FRMPD4: variants seen among roughly 807,000 people sequenced by gnomAD.
FRMPD4 encodes FERM and PDZ domain containing 4.
In FRMPD4, 22 loss-of-function variants were observed where a neutral mutation model predicts 94.1. The ratio of observed to expected loss-of-function variants is 0.23; its 90% CI spans 0.17 to 0.33. FRMPD4 has a LOEUF of 0.33. FRMPD4 is among the 10% of genes least tolerant of loss of function. FRMPD4 has a pLI of 1.00. For synonymous variants in FRMPD4, 631 were observed against 548.6 expected, an observed-to-expected ratio of 1.15 and a Z score of -2.10; for missense variants, 1,111 against 1,339.9, an observed-to-expected ratio of 0.83 and a Z score of 2.67.
chrX:12,674,325 G>T (rs1395453174), intron 4 of FRMPD4, among the ~76,000 whole-genome samples: 1 of 111,719 alleles, frequency 9.0e-6, no homozygotes, highest in Non-Finnish European at 1.9e-5. Context: ...ACCGATGTTT[G>T]CTGGGATGCT....
rs756789924 is a variant in FRMPD4 at position 12,551,107 on chromosome X, TATA to T, written c.158+52314_158+52316del. Among the ~76,000 whole-genome samples the T allele has an allele frequency of 5.1e-4, 57 of 111,164 alleles. 2 individuals are homozygous for T. In the South Asian group the frequency reaches 0.021, roughly 40 times the overall value. The stretch of plus-strand genomic sequence containing the variant: ...TTTATCATGTAAACATATTTACATA[TATA>T]ATGTTTCTTTTTTCATTCAATACTA... On this transcript the variant is annotated intron_variant, in intron 2 of 16. Transcript: ENST00000675598.
chrX:12,575,930 G>T (rs1253626892), intron 2 of FRMPD4, among the ~76,000 whole-genome samples: 1 of 112,204 alleles, frequency 8.9e-6, no homozygotes, highest in Admixed American at 9.4e-5. Context: ...AGCCTAGAAA[G>T]ACCCATTTCA....
chrX:11,948,005 G>C (rs1443058710), intron 3 of FRMPD4, among the ~76,000 whole-genome samples: 1 of 105,238 alleles, frequency 9.5e-6, no homozygotes, highest in Non-Finnish European at 1.9e-5. Flanking sequence ...CAGGAGAATT[G>C]CTTGAACCTG....
At position 12,332,201 on chromosome X, in the gene FRMPD4, TATATATAG is replaced by T. The variant is rs1230807874; in HGVS notation, c.42-166477_42-166470del. ...ATATAATTTATATTTTATATATATA[TATATATAG>T]AGAGAGAGAGAGAGAGAGAGAGAGA... On this transcript the variant is annotated intron_variant, in intron 1 of 16. Transcript: ENST00000675598. 1.5e-4 allele frequency among the ~76,000 whole-genome samples: 10 copies of T among 67,861 alleles called. 1 individual carries two copies. In the South Asian group the frequency reaches 2.4e-3, roughly 16 times the overall value. The allele number at this position is 67,861 out of a possible 115,157, so 58.9% of individuals were successfully genotyped here.
chrX:12,101,218 T>C (rs1435282290), intron 3 of FRMPD4, among the ~76,000 whole-genome samples: 3 of 111,339 alleles, frequency 2.7e-5, no homozygotes, highest in African/African-American at 9.8e-5. Flanking sequence ...TATCCATTGA[T>C]GGTCATCTAG....
At chrX:12,649,396 G>A (rs1490662855) in intron 4 of FRMPD4, among the ~76,000 whole-genome samples, 3 of 111,527 alleles carry the variant, frequency 2.7e-5, no homozygotes, top group East Asian at 2.8e-4. Context: ...AACAACAGCA[G>A]ACACCACCAT....
intron 1 of FRMPD4, among the ~76,000 whole-genome samples, chrX:12,262,786 T>G: frequency 9.0e-6 from 1 of 111,692 alleles, no homozygotes; most frequent in Admixed American, 9.5e-5. Flanking sequence ...GAGATAGTTG[T>G]CTCTTCCTTG....
intron 2 of FRMPD4, among the ~76,000 whole-genome samples, chrX:12,529,392 A>T (rs1421027800): frequency 8.9e-6 from 1 of 112,691 alleles, no homozygotes; most frequent in Non-Finnish European, 1.9e-5. Flanking sequence ...CTAATCATAG[A>T]AGTGATATCT....
At chrX:12,696,758 CA>C (rs1366260979) in intron 9 of FRMPD4, among the ~76,000 whole-genome samples, 4 of 111,428 alleles carry the variant, frequency 3.6e-5, no homozygotes, top group Non-Finnish European at 5.7e-5. Flanking sequence ...TTACCATTTC[CA>C]ATACTTTCCT....
At chrX:12,073,789 T>G (rs765646067) in intron 3 of FRMPD4, among the ~76,000 whole-genome samples, 8 of 112,566 alleles carry the variant, frequency 7.1e-5, no homozygotes, top group Non-Finnish European at 1.1e-4. Context: ...AGGCTAGCTT[T>G]GAACTCCTGG....
chrX:12,620,123 C>G (rs188405723), intron 4 of FRMPD4, among the ~76,000 whole-genome samples: 1 of 112,856 alleles, frequency 8.9e-6, no homozygotes, highest in East Asian at 2.8e-4. Context: ...AAACTCAATT[C>G]CAGCCACTCT....
intron 1 of FRMPD4, among the ~76,000 whole-genome samples, chrX:12,165,232 T>C (rs1157166859): frequency 1.8e-5 from 2 of 112,335 alleles, no homozygotes; most frequent in Non-Finnish European, 3.8e-5. Context: ...TTGTATAAGG[T>C]GTAAGGAAGG....
chrX:12,033,935 G>A (rs1371979569), intron 3 of FRMPD4, among the ~76,000 whole-genome samples: 1 of 112,229 alleles, frequency 8.9e-6, no homozygotes, highest in Admixed American at 9.4e-5. Flanking sequence ...GACCTCAGGT[G>A]ATCCGCCCGC....
At chrX:12,538,687 G>A (rs867452427) in intron 2 of FRMPD4, among the ~76,000 whole-genome samples, 2 of 111,887 alleles carry the variant, frequency 1.8e-5, no homozygotes, top group Non-Finnish European at 3.8e-5. Context: ...TGATACCCAG[G>A]CAAACAGGGT....
intron 4 of FRMPD4, among the ~76,000 whole-genome samples, chrX:12,636,601 A>G (rs1231390583): frequency 8.9e-6 from 1 of 112,497 alleles, no homozygotes; most frequent in Non-Finnish European, 1.9e-5. Flanking sequence ...GAATAACGTT[A>G]TAAAGAAAAA....
intron 9 of FRMPD4, 130 bp downstream of exon 9, chrX:12,694,584 T>G: frequency 4.3e-6 from 2 of 470,511 alleles, no homozygotes; most frequent in Non-Finnish European, 7.4e-6. Flanking sequence ...AATCGTACGA[T>G]AATTCTATGA....
chrX:12,560,482 A>G (rs1214019050), intron 2 of FRMPD4, among the ~76,000 whole-genome samples: 2 of 17,821 alleles, frequency 1.1e-4, no homozygotes, highest in Non-Finnish European at 1.1e-4. Flanking sequence ...AAAATGAAAA[A>G]AAAAAAAAAA....
chrX:12,318,327 A>G (rs369861727), intron 1 of FRMPD4, among the ~76,000 whole-genome samples: 1 of 112,200 alleles, frequency 8.9e-6, no homozygotes, highest in South Asian at 3.7e-4. Context: ...GAAGCTCAAG[A>G]CCAGCCTAGG....
intron 1 of FRMPD4, among the ~76,000 whole-genome samples, chrX:12,463,681 G>GTGT (rs1555969426): frequency 0.2 from 10,024 of 50,601 alleles, 1,664 homozygotes; most frequent in East Asian, 0.44. Flanking sequence ...CTATGTGTGT[G>GTGT]TTTTTTTTTT....
Sources: gnomAD v4.1 joint callset for allele counts (sites outside exome capture counted in the v4.1 genomes callset) on GRCh38, gnomAD v4.1.1 for gene constraint, MANE v1.5 for transcripts, NCBI Gene and HGNC (gene_info 2026-07-23, HGNC 2026-07-21) for gene names.